The following TMEM132C variants were observed in gnomAD, a reference collection of about 807,000 sequenced individuals.
TMEM132C encodes the protein protein phosphatase 1, regulatory subunit 152.
TMEM132C carries 29 observed loss-of-function variants against 61.4 expected under a neutral mutation model. The ratio of observed to expected loss-of-function variants is 0.47; its 90% CI spans 0.35 to 0.64. TMEM132C has a LOEUF of 0.64. Ranked by LOEUF, TMEM132C falls within the 30% of genes least tolerant of loss-of-function variation. TMEM132C has a pLI of 0.00. For synonymous variants in TMEM132C, 656 were observed against 633.1 expected (o/e 1.04, Z -0.54); for missense variants, 1,408 against 1,476.9 (o/e 0.95, Z 0.76).
chr12:128,301,119 A>G (rs1405788918), intron 1 of TMEM132C, among the ~76,000 whole-genome samples: 1 of 152,192 alleles, frequency 6.6e-6, no homozygotes, highest in Non-Finnish European at 1.5e-5. Context: ...ATGAGAAACA[A>G]ACAATGAATG....
chr12:128,669,697 C>T (rs1041841667), intron 5 of TMEM132C, 137 bp downstream of exon 5: 30 of 1,114,010 alleles, frequency 2.7e-5, no homozygotes, highest in Admixed American at 8.9e-5. Context: ...CCAGCTGATC[C>T]ACTCAACGTG....
chr12:128,660,445 G>A (rs1954375721), intron 4 of TMEM132C, among the ~76,000 whole-genome samples: 1 of 152,168 alleles, frequency 6.6e-6, no homozygotes, highest in South Asian at 2.1e-4. Flanking sequence ...TTTGAGATGT[G>A]CGGCCAACTA....
At chr12:128,310,202 GTGA>G (rs1188064258) in intron 1 of TMEM132C, among the ~76,000 whole-genome samples, 3 of 152,212 alleles carry the variant, frequency 2.0e-5, no homozygotes, top group African/African-American at 7.2e-5. Flanking sequence ...TTTGAGAATA[GTGA>G]TGATAAACAC....
chr12:128,702,883 G>A (rs1954813519), intron 8 of TMEM132C, among the ~76,000 whole-genome samples: 1 of 152,174 alleles, frequency 6.6e-6, no homozygotes, highest in African/African-American at 2.4e-5. Context: ...GGGATGGATG[G>A]GGACAAAGGT....
rs537528291 is a variant in TMEM132C, at chr12:128,697,264, C to T, written c.1970C>T (p.Thr657Ile). 9.1e-6 allele frequency: 14 copies of T among 1,540,188 alleles called. No individual in the cohort carries two copies. Among genetic ancestry groups the T allele is most frequent in the Middle Eastern group, 1.7e-4 (1 of 5,966 alleles). The change falls in exon 8 of 9, where the codon ACA becomes ATA. Residue 657 changes from threonine to isoleucine, a missense_variant. Transcript: ENST00000435159. The stretch of plus-strand genomic sequence containing the variant: ...TCTGACTCCATCCTGGCAGAGAAGA[C>T]AATAACCGTGCTAGATGACAAAGTA... ...PLSDSILAEK[T>I]ITVLDDKVSV...
chr12:128,505,194 G>C (rs1428267728), intron 2 of TMEM132C, among the ~76,000 whole-genome samples: 1 of 152,112 alleles, frequency 6.6e-6, no homozygotes, highest in South Asian at 2.1e-4. Context: ...CAAAGGACCT[G>C]ATGGAAATGC....
At chr12:128,580,889 TC>T (rs1243219486) in intron 3 of TMEM132C, among the ~76,000 whole-genome samples, 2 of 152,182 alleles carry the variant, frequency 1.3e-5, no homozygotes, top group Non-Finnish European at 2.9e-5. Context: ...ATGGGGGCTT[TC>T]AGGTGCCTGC....
chr12:128,702,571 C>G (rs148968831), intron 8 of TMEM132C, among the ~76,000 whole-genome samples: 20 of 152,242 alleles, frequency 1.3e-4, no homozygotes, highest in Non-Finnish European at 1.9e-4. Flanking sequence ...ACTTTTCTTT[C>G]TTTGTATCAT....
chr12:128,549,646 C>T (rs1874089199), intron 3 of TMEM132C, among the ~76,000 whole-genome samples: 1 of 152,128 alleles, frequency 6.6e-6, no homozygotes. Flanking sequence ...AATACGAACT[C>T]ACACCTGGCG....
At chr12:128,452,504 G>A (rs925721341) in intron 2 of TMEM132C, among the ~76,000 whole-genome samples, 4 of 150,718 alleles carry the variant, frequency 2.7e-5, no homozygotes, top group Non-Finnish European at 5.9e-5. Context: ...TGGATCACTT[G>A]ATCCACTGTG....
intron 2 of TMEM132C, among the ~76,000 whole-genome samples, chr12:128,516,261 C>G (rs569549131): frequency 6.6e-6 from 1 of 152,184 alleles, no homozygotes; most frequent in Non-Finnish European, 1.5e-5. Context: ...TGCCCATCCA[C>G]GGGAGGCTGG....
rs767644628 is a variant in TMEM132C at position 128,630,638 on chromosome 12, G to T, written c.1305+14303G>T. ...TCCCTCTGGGCGGTCATGCCCAGAG[G>T]CTCGGGAACTTGGCTGTGTCCACTC... On this transcript the variant is annotated intron_variant, in intron 4 of 8. Transcript: ENST00000435159. This position sits in a 1 kb window ranked among gnomAD's most constrained non-coding sequence, Gnocchi z 4.3. 6.6e-6 allele frequency among the ~76,000 whole-genome samples: 1 copy of T among 152,134 alleles called. No homozygotes were observed. Among genetic ancestry groups the T allele is most frequent in the African/African-American group, 2.4e-5 (1 of 41,432 alleles).
intron 2 of TMEM132C, among the ~76,000 whole-genome samples, chr12:128,436,680 G>A (rs532988244): frequency 9.9e-5 from 15 of 151,960 alleles, no homozygotes; most frequent in South Asian, 2.1e-4. Context: ...AAATAGGAAC[G>A]CTTTTACACT....
intron 2 of TMEM132C, among the ~76,000 whole-genome samples, chr12:128,524,012 CAAAAA>C (rs55999607): frequency 0.95 from 128,965 of 136,260 alleles, 61,085 homozygotes; most frequent in East Asian, 1. Flanking sequence ...GACGCCATCT[CAAAAA>C]AAAAAAAAAA....
intron 2 of TMEM132C, among the ~76,000 whole-genome samples, chr12:128,507,398 C>CTTTTTTTTT (rs1872404501): frequency 9.4e-6 from 1 of 106,544 alleles, no homozygotes. Context: ...TTTTTTTTTT[C>CTTTTTTTTT]TTTCTTTTTT....
intron 1 of TMEM132C, among the ~76,000 whole-genome samples, chr12:128,412,056 T>A (rs1348437351): frequency 2.0e-5 from 3 of 152,278 alleles, no homozygotes; most frequent in Non-Finnish European, 4.4e-5. Context: ...TATGATTCTC[T>A]GTTGTCTTTA....
At chr12:128,539,451 C>T (rs929999570) in intron 2 of TMEM132C, among the ~76,000 whole-genome samples, 24 of 152,148 alleles carry the variant, frequency 1.6e-4, no homozygotes, top group African/African-American at 5.8e-4. Flanking sequence ...CCTGCCTCTA[C>T]TAAAAATACA....
chr12:128,646,476 TCCATCAGCGCTGGATGTGAGTGTG>T (rs1566001350), intron 4 of TMEM132C, among the ~76,000 whole-genome samples: 1 of 147,250 alleles, frequency 6.8e-6, no homozygotes, highest in African/African-American at 2.6e-5. Context: ...TTTACTGGAG[TCCATCAGCGCTGGATGTGAGTGTG>T]TTTACTGGAG....
At chr12:128,469,947 A>G (rs906498088) in intron 2 of TMEM132C, among the ~76,000 whole-genome samples, 6 of 152,142 alleles carry the variant, frequency 3.9e-5, no homozygotes, top group Admixed American at 6.5e-5. Context: ...GTGTACATTT[A>G]TATCTGAAAT....
Sources: gnomAD v4.1 joint callset for allele counts (sites outside exome capture counted in the v4.1 genomes callset) on GRCh38, gnomAD v4.1.1 for gene constraint, Gnocchi (gnomAD v3.1) non-coding constraint, MANE v1.5 for transcripts, NCBI Gene and HGNC (gene_info 2026-07-23, HGNC 2026-07-21) for gene names.